GRIA4: variants seen among roughly 807,000 people sequenced by gnomAD.
GRIA4 encodes the protein glutamate receptor 4.
GRIA4 carries 34 observed loss-of-function variants against 104.0 expected under a neutral mutation model. The observed-to-expected ratio is 0.33, with a 90% CI of 0.25 to 0.44. The LOEUF (loss-of-function observed/expected upper bound fraction) is 0.44. GRIA4 is among the 20% of genes least tolerant of loss of function. The pLI is 1.00. For synonymous variants in GRIA4, 386 were observed against 381.9 expected, an observed-to-expected ratio of 1.01 and a Z score of -0.13; for missense variants, 750 against 1,096.5, an observed-to-expected ratio of 0.68 and a Z score of 4.46.
Position 105,747,052 on chromosome 11 carries a change from G to A in GRIA4, c.248-5929G>A, listed in dbSNP as rs919050068. Among the ~76,000 whole-genome samples the A allele has an allele frequency of 7.6e-4, 116 of 152,098 alleles. 1 individual carries two copies. The highest frequency in any genetic ancestry group is 2.8e-4 in the Non-Finnish European group (19 of 68,008). On this transcript the variant is annotated intron_variant, in intron 3 of 16. Coordinates refer to ENST00000282499, the MANE Select transcript of GRIA4 (RefSeq NM_000829.4). ...CATAAAAAGTAACATACTCCCATAA[G>A]AATTTTGACGTATTTATCTGCTCTC...
intron 3 of GRIA4, among the ~76,000 whole-genome samples, chr11:105,689,790 G>C (rs1322613879): frequency 6.6e-6 from 1 of 152,156 alleles, no homozygotes; most frequent in Non-Finnish European, 1.5e-5. Context: ...GTAATACAAT[G>C]CCTCTGGTGC....
intron 3 of GRIA4, among the ~76,000 whole-genome samples, chr11:105,670,894 G>T (rs1952341090): frequency 6.6e-6 from 1 of 152,098 alleles, no homozygotes; most frequent in Non-Finnish European, 1.5e-5. Flanking sequence ...GATCAGTAAG[G>T]CTACATCCCT....
chr11:105,888,311 TCTCA>T (rs1367359204), intron 6 of GRIA4, among the ~76,000 whole-genome samples: 2 of 101,894 alleles, frequency 2.0e-5, no homozygotes, highest in Non-Finnish European at 1.8e-5. Flanking sequence ...TGAGACGGAG[TCTCA>T]CTCTGTCGCC....
chr11:105,642,147 T>C (rs747613796), intron 3 of GRIA4, among the ~76,000 whole-genome samples: 2 of 152,048 alleles, frequency 1.3e-5, no homozygotes, highest in African/African-American at 4.8e-5. Context: ...GTCCCCCAAA[T>C]ACAGTCACAT....
intron 3 of GRIA4, among the ~76,000 whole-genome samples, chr11:105,673,841 G>C (rs1189223572): frequency 2.6e-5 from 4 of 151,752 alleles, no homozygotes; most frequent in Admixed American, 2.6e-4. Context: ...ATTATACTTA[G>C]AAATTTTATC....
At chr11:105,724,890 A>T (rs928282501) in intron 3 of GRIA4, among the ~76,000 whole-genome samples, 6 of 152,116 alleles carry the variant, frequency 3.9e-5, no homozygotes, top group South Asian at 2.1e-4. Flanking sequence ...AGGGAAAAAA[A>T]CATTGTTTGA....
intron 13 of GRIA4, among the ~76,000 whole-genome samples, chr11:105,928,265 C>A (rs2136201411): frequency 6.6e-6 from 1 of 151,936 alleles, no homozygotes; most frequent in East Asian, 1.9e-4. Context: ...AGAAACCAGA[C>A]AATGAACAAT....
rs1474391211 is a variant in GRIA4 at position 105,910,463 on chromosome 11, T to C, written c.1187T>C (p.Leu396Ser). The C allele has an allele frequency of 6.3e-7, 1 of 1,591,338 alleles. No homozygotes were observed. The highest frequency in any genetic ancestry group is 8.6e-7 in the Non-Finnish European group (1 of 1,159,434). Residue 396 changes from leucine to serine, a missense_variant, in exon 10 of 17, where the codon TTA becomes TCA. Transcript: ENST00000282499. Reference protein sequence around the residue: ...KVGYWNDMDKLVLIQDVPTLG... With the variant: ...KVGYWNDMDKSVLIQDVPTLG... ...GGTTACTGGAATGATATGGATAAGT[T>C]AGTCTTGATTCAAGATGTACCAACT...
intron 4 of GRIA4, among the ~76,000 whole-genome samples, chr11:105,832,349 A>G (rs1944007270): frequency 6.6e-6 from 1 of 151,746 alleles, no homozygotes; most frequent in Non-Finnish European, 1.5e-5. Flanking sequence ...TCCCAGAGAC[A>G]AGGTGTTAAT....
chr11:105,797,989 G>A (rs1410389969), intron 4 of GRIA4: 2 of 353,574 alleles, frequency 5.7e-6, no homozygotes, highest in East Asian at 7.6e-5. Flanking sequence ...AATATTTATT[G>A]AGCACCTACT....
At chr11:105,741,346 C>T (rs1939293816) in intron 3 of GRIA4, among the ~76,000 whole-genome samples, 1 of 152,050 alleles carries the variant, frequency 6.6e-6, no homozygotes, top group African/African-American at 2.4e-5. Flanking sequence ...ATATTTGAGT[C>T]TGAAGCTCAT....
chr11:105,833,161 G>A (rs148875935), intron 4 of GRIA4, among the ~76,000 whole-genome samples: 8 of 151,758 alleles, frequency 5.3e-5, no homozygotes, highest in Admixed American at 2.0e-4. Context: ...TTCTTGTCAC[G>A]CATACAACAG....
chr11:105,636,392 G>T (rs1053753939), intron 3 of GRIA4, among the ~76,000 whole-genome samples: 1 of 152,046 alleles, frequency 6.6e-6, no homozygotes, highest in Admixed American at 6.6e-5. Flanking sequence ...TTTGTTCAAG[G>T]TCAGACTCTT....
At chr11:105,865,541 A>G (rs1234427416) in intron 5 of GRIA4, among the ~76,000 whole-genome samples, 1 of 152,226 alleles carries the variant, frequency 6.6e-6, no homozygotes, top group East Asian at 1.9e-4. Flanking sequence ...TTTTCTTCCT[A>G]TAACAAAAAT....
At chr11:105,849,199 A>T (rs1944707924) in intron 4 of GRIA4, among the ~76,000 whole-genome samples, 1 of 152,160 alleles carries the variant, frequency 6.6e-6, no homozygotes, top group South Asian at 2.1e-4. Context: ...ATCTCAAAAA[A>T]AAGAAAAAAC....
At chr11:105,643,200 A>G (rs1951422078) in intron 3 of GRIA4, among the ~76,000 whole-genome samples, 2 of 152,150 alleles carry the variant, frequency 1.3e-5, no homozygotes, top group South Asian at 2.1e-4. Context: ...AACCAAATCA[A>G]ACATCTCATA....
intron 4 of GRIA4, among the ~76,000 whole-genome samples, chr11:105,762,461 T>A (rs886575665): frequency 2.0e-5 from 3 of 152,234 alleles, no homozygotes; most frequent in Non-Finnish European, 2.9e-5. Flanking sequence ...TCCACCACAA[T>A]ATTAGCCAAA....
intron 10 of GRIA4, among the ~76,000 whole-genome samples, chr11:105,914,795 C>T (rs2136175873): frequency 6.6e-6 from 1 of 152,288 alleles, no homozygotes; most frequent in East Asian, 1.9e-4. Flanking sequence ...AGAGGTTACT[C>T]TATCCTTCTG....
intron 3 of GRIA4, among the ~76,000 whole-genome samples, chr11:105,665,707 G>A (rs555654884): frequency 1.8e-4 from 28 of 151,976 alleles, no homozygotes; most frequent in Non-Finnish European, 3.2e-4. Flanking sequence ...AATTATCACT[G>A]GAATTAAAAA....
Sources: gnomAD v4.1 joint callset for allele counts (sites outside exome capture counted in the v4.1 genomes callset) on GRCh38, gnomAD v4.1.1 for gene constraint, MANE v1.5 for transcripts, NCBI Gene and HGNC (gene_info 2026-07-23, HGNC 2026-07-21) for gene names.